Variants in PHAF1 observed in about 807,000 individuals in gnomAD.
The protein encoded by PHAF1 is phagophore assembly factor 1.
A neutral mutation model predicts 63.1 loss-of-function variants in PHAF1; 23 were observed. That is an observed-to-expected ratio of 0.36 (90% CI 0.26 to 0.52). PHAF1 has a LOEUF of 0.52. PHAF1 is among the 20% of genes least tolerant of loss of function. The pLI, the probability that PHAF1 is intolerant of heterozygous loss-of-function variation, is 0.93. For missense variants in PHAF1, 427 were observed against 517.2 expected (o/e 0.83, Z 1.69); for synonymous variants, 167 against 185.0 (o/e 0.90, Z 0.79).
chr16:67,124,684 A>G (rs911395394), intron 2 of PHAF1, among the ~76,000 whole-genome samples: 1 of 152,102 alleles, frequency 6.6e-6, no homozygotes, highest in African/African-American at 2.4e-5. Flanking sequence ...GAGATGGATC[A>G]CGAGGTCAGG....
rs775527614 is a variant in PHAF1, at chr16:67,140,000, A to C, written c.678A>C (p.Leu226=). The C allele has an allele frequency of 1.2e-6, 2 of 1,614,070 alleles. No homozygotes were observed. The highest frequency in any genetic ancestry group is 4.5e-5 in the East Asian group (2 of 44,866). ...TTTTTGCAGGTTGTGGACCTGGCCT[A>C]TTAGCAGATGCCAAGATGCGGGTAT... is the stretch of plus-strand genomic sequence containing the variant. ...RLLAAGCGPG[L]LADAKMRVFE... Residue 226 remains leucine, a synonymous_variant, in exon 9 of 16, where the codon CTA becomes CTC. Coordinates refer to ENST00000219139, the MANE Select transcript of PHAF1 (RefSeq NM_025187.5).
At chr16:67,133,069 T>G (rs2145865265) in intron 6 of PHAF1, 158 bp downstream of exon 6, 1 of 653,492 alleles carries the variant, frequency 1.5e-6, no homozygotes, top group East Asian at 2.6e-5. Flanking sequence ...GTAGAGTGGG[T>G]GGGTTGACAG....
At chr16:67,144,007 CAGG>C (rs747941928) in intron 10 of PHAF1, among the ~76,000 whole-genome samples, 3 of 152,046 alleles carry the variant, frequency 2.0e-5, no homozygotes, top group Non-Finnish European at 4.4e-5. Flanking sequence ...GAGGCTGAGG[CAGG>C]AGAATTGCTT....
chr16:67,129,708 G>A (rs1963318511), intron 3 of PHAF1, among the ~76,000 whole-genome samples: 1 of 152,222 alleles, frequency 6.6e-6, no homozygotes, highest in African/African-American at 2.4e-5. Context: ...GCCCCTACCT[G>A]TGCTGCTGGC....
At chr16:67,113,992 G>C (rs1257438776) in intron 1 of PHAF1, among the ~76,000 whole-genome samples, 1 of 152,044 alleles carries the variant, frequency 6.6e-6, no homozygotes, top group African/African-American at 2.4e-5. Flanking sequence ...CATTTGTGCC[G>C]GGCCCTGAAA....
chr16:67,136,154 A>G (rs528838253), intron 8 of PHAF1: 121 of 152,318 alleles, frequency 7.9e-4, no homozygotes, highest in African/African-American at 2.5e-3. Context: ...AAATACAAAA[A>G]TTAGCTGGGC....
At chr16:67,122,998 G>C (rs527846365) in intron 2 of PHAF1, among the ~76,000 whole-genome samples, 1 of 151,960 alleles carries the variant, frequency 6.6e-6, no homozygotes, top group African/African-American at 2.4e-5. Context: ...CAAAGTGCTC[G>C]GATTACAAGC....
intron 3 of PHAF1, among the ~76,000 whole-genome samples, chr16:67,127,497 C>T (rs193079162): frequency 3.1e-4 from 47 of 152,224 alleles, no homozygotes; most frequent in African/African-American, 1.1e-3. Context: ...TCTTCAATAT[C>T]GCATAATCAC....
At chr16:67,126,601 T>TG (rs910836606) in intron 3 of PHAF1, among the ~76,000 whole-genome samples, 1 of 150,324 alleles carries the variant, frequency 6.7e-6, no homozygotes, top group African/African-American at 2.4e-5. Context: ...TTTGGTTTTT[T>TG]TTTTTTTTTT....
chr16:67,132,609 T>C, intron 5 of PHAF1, 84 bp downstream of exon 5: 1 of 1,419,872 alleles, frequency 7.0e-7, no homozygotes, highest in South Asian at 1.1e-5. Flanking sequence ...CCCACCCCAC[T>C]TCCTGGAGTC....
At chr16:67,119,014 G>A (rs1261304112) in intron 1 of PHAF1, among the ~76,000 whole-genome samples, 4 of 151,888 alleles carry the variant, frequency 2.6e-5, no homozygotes, top group South Asian at 2.1e-4. Flanking sequence ...GGCCTCAGGC[G>A]ATCCTCCTGC....
rs112723505 is a variant in PHAF1 at position 67,133,516 on chromosome 16, A to C, written c.450+605A>C. Among the ~76,000 whole-genome samples the C allele has an allele frequency of 3.5e-3, 535 of 151,290 alleles. 10 individuals are homozygous for C. Among genetic ancestry groups the C allele is most frequent in the African/African-American group, 0.011 (447 of 41,252 alleles). On this transcript the variant is annotated intron_variant, in intron 6 of 15. Coordinates refer to ENST00000219139, the MANE Select transcript of PHAF1 (RefSeq NM_025187.5). ...CCAAAAATATTAAAAAAAAAAAAAA[A>C]AAAAAACAGGCCGGGCGCAGTGGCT...
Position 67,132,539 on chromosome 16 carries a change from A to T in PHAF1, c.355+14A>T, listed in dbSNP as rs754827801. The T allele has an allele frequency of 6.2e-7, 1 of 1,610,788 alleles. No homozygotes were observed. The highest frequency in any genetic ancestry group is 1.7e-5 in the Admixed American group (1 of 60,020). On this transcript the variant is annotated intron_variant, in intron 5 of 15. Transcript: ENST00000219139. ...CCCATCCTGGAGGTAAGCCAAGTCCATCTGATTCCTCTGGTCATCAGTGGC... is the reference window on the plus strand; with the variant it reads ...CCCATCCTGGAGGTAAGCCAAGTCCTTCTGATTCCTCTGGTCATCAGTGGC...
Position 67,131,266 on chromosome 16 carries a change from A to G in PHAF1, c.232-20A>G, listed in dbSNP as rs1963388706. 1.3e-6 allele frequency: 2 copies of G among 1,547,892 alleles called. No homozygotes were observed. Among genetic ancestry groups the G allele is most frequent in the African/African-American group, 2.8e-5 (2 of 72,488 alleles). On this transcript the variant is annotated intron_variant, in intron 3 of 15. Transcript: ENST00000219139. ...TGTCATCACTTTCAGAGCATTGACA[A>G]CTCTTAAACTTTTTTTTAGGTGATC...
chr16:67,147,249 G>A lies in PHAF1; in HGVS notation c.*118G>A. On this transcript the variant is annotated 3_prime_UTR_variant, in exon 16 of 16. Coordinates refer to ENST00000219139, the MANE Select transcript of PHAF1 (RefSeq NM_025187.5). ...ACCTGGCCAGTGCTGAAGGGCTGTT[G>A]TGATGTTCTGAGGTTGGGCTCAGGC... 1 of 981,912 alleles carries A rather than the reference G, an allele frequency of 1.0e-6. No individual in the cohort carries two copies. The highest frequency in any genetic ancestry group is 1.5e-6 in the Non-Finnish European group (1 of 645,360). The allele number at this position is 981,912 out of a possible 1,614,324, so 60.8% of individuals were successfully genotyped here.
At position 67,147,185 on chromosome 16, in the gene PHAF1, T is replaced by C; in HGVS notation, c.*54T>C. The C allele has an allele frequency of 6.7e-7, 1 of 1,494,618 alleles. No individual in the cohort carries two copies. Among genetic ancestry groups the C allele is most frequent in the Non-Finnish European group, 9.3e-7 (1 of 1,072,632 alleles). 92.6% of individuals were successfully genotyped at this position (1,494,618 alleles called of 1,614,324 possible). A position where few individuals can be genotyped will look rare whatever the true frequency, so the allele number is the denominator to read the frequency against. On this transcript the variant is annotated 3_prime_UTR_variant, in exon 16 of 16. Transcript: ENST00000219139. ...CGTGGAACTGTGCATCACATCCTGC[T>C]CAGTGGGCCTCTGTACCACCCTGTG...
intron 3 of PHAF1, among the ~76,000 whole-genome samples, chr16:67,126,251 G>T (rs958688041): frequency 6.6e-6 from 1 of 152,146 alleles, no homozygotes; most frequent in African/African-American, 2.4e-5. Flanking sequence ...TCAGAAAGAG[G>T]CTGGGAAGGG....
chr16:67,141,516 C>T (rs1174019427), intron 10 of PHAF1, among the ~76,000 whole-genome samples: 1 of 152,222 alleles, frequency 6.6e-6, no homozygotes, highest in Non-Finnish European at 1.5e-5. Context: ...GCCTGGCAGG[C>T]TGCGCTTAGC....
chr16:67,117,095 C>T (rs1437750250), intron 1 of PHAF1, among the ~76,000 whole-genome samples: 1 of 151,528 alleles, frequency 6.6e-6, no homozygotes, highest in Non-Finnish European at 1.5e-5. Context: ...CGCAGTGGCA[C>T]GATCTCAGCT....
Sources: allele counts gnomAD v4.1 joint callset (sites outside exome capture counted in the v4.1 genomes callset), GRCh38; gene constraint gnomAD v4.1.1; transcripts MANE v1.5; gene names NCBI Gene and HGNC (gene_info 2026-07-23, HGNC 2026-07-21).